ARID1A: variants seen among roughly 807,000 people sequenced by gnomAD.
ARID1A encodes the protein AT-rich interaction domain 1A.
In ARID1A, 20 loss-of-function variants were observed where a neutral mutation model predicts 212.6. The observed-to-expected ratio is 0.09, with a 90% CI of 0.07 to 0.14. The LOEUF is 0.14. Among genes scored for constraint, ARID1A ranks in the 10% least tolerant of loss-of-function variants. ARID1A has a pLI of 1.00. For synonymous variants in ARID1A, 1,376 were observed against 1,222.1 expected (o/e 1.13, Z -2.63); for missense variants, 2,587 against 3,059.0 (o/e 0.85, Z 3.64).
chr1:26,728,649 A>C lies in ARID1A; in HGVS notation c.1138-1002A>C, dbSNP rs538143123. On this transcript the variant is annotated intron_variant, in intron 1 of 19. Transcript: ENST00000324856. ...TGATAGGCCTAGAGTATCAGTATCT[A>C]TTTCACCCCCAATGTAAGAGCTAGT... Among the ~76,000 whole-genome samples, 6 of 152,196 alleles carry C rather than the reference A, an allele frequency of 3.9e-5. No homozygotes were observed. In the South Asian group the frequency reaches 1.2e-3, roughly 32 times the overall value.
At chr1:26,729,993 T>A in intron 2 of ARID1A, 130 bp downstream of exon 2, 1 of 1,130,042 alleles carries the variant, frequency 8.8e-7, no homozygotes, top group Non-Finnish European at 1.3e-6. Context: ...CTCAGTTAAT[T>A]ACAGAGTGCT....
At chr1:26,738,015 T>G (rs1303530706) in intron 4 of ARID1A, among the ~76,000 whole-genome samples, 1 of 151,966 alleles carries the variant, frequency 6.6e-6, no homozygotes, top group East Asian at 1.9e-4. Flanking sequence ...GAGGTTCCTT[T>G]GCTATAGTAA....
At chr1:26,716,262 G>C (rs1036294669) in intron 1 of ARID1A, among the ~76,000 whole-genome samples, 3 of 151,520 alleles carry the variant, frequency 2.0e-5, no homozygotes, top group African/African-American at 7.3e-5. Flanking sequence ...CATGCTAGTT[G>C]CTTACATTAA....
chr1:26,767,748 G>C (rs2124085513), intron 10 of ARID1A, 42 bp from the exon 11 acceptor site: 2 of 1,542,384 alleles, frequency 1.3e-6, no homozygotes, highest in South Asian at 2.4e-5. Flanking sequence ...CACAGGCTTT[G>C]AATCTGACCC....
Position 26,779,205 on chromosome 1 carries a change from A to C in ARID1A, c.5307A>C (p.Leu1769=), listed in dbSNP as rs754965271. ...GTGGGGAAGAAGAAGAAGAACTTCT[A>C]GGTCCTAAACTAGAAGAGGAAGAAG... The part of the protein sequence containing the change: ...MEGGEEEEEL[L]GPKLEEEEEE... Residue 1769 remains leucine (L), a synonymous_variant, in exon 20 of 20, where the codon CTA becomes CTC. Transcript: ENST00000324856. 2 of 1,612,438 alleles carry C rather than the reference A, an allele frequency of 1.2e-6. No individual in the cohort carries two copies. The highest frequency in any genetic ancestry group is 1.7e-6 in the Non-Finnish European group (2 of 1,178,922).
At chr1:26,739,395 G>T (rs937723253) in intron 4 of ARID1A, among the ~76,000 whole-genome samples, 4 of 152,154 alleles carry the variant, frequency 2.6e-5, no homozygotes, top group African/African-American at 7.2e-5. Flanking sequence ...GTAGGTGTGG[G>T]CTGGGACCTA....
chr1:26,749,422 C>T (rs2080865901), intron 4 of ARID1A, among the ~76,000 whole-genome samples: 1 of 152,096 alleles, frequency 6.6e-6, no homozygotes, highest in Non-Finnish European at 1.5e-5. Context: ...TGAGCAGAAG[C>T]ACTCGATGTG....
chr1:26,732,283 G>T (rs990926804), intron 3 of ARID1A, among the ~76,000 whole-genome samples: 14 of 152,170 alleles, frequency 9.2e-5, no homozygotes, highest in African/African-American at 3.4e-4. Flanking sequence ...TGTATTGGTG[G>T]CACTGTTGGA....
chr1:26,707,200 ATTT>A (rs751639614), intron 1 of ARID1A, among the ~76,000 whole-genome samples: 1 of 102,612 alleles, frequency 9.7e-6, no homozygotes. Flanking sequence ...CGGCTGGCTA[ATTT>A]TTTTTTTTTT....
chr1:26,752,654 C>T (rs769936813), intron 4 of ARID1A, among the ~76,000 whole-genome samples: 9 of 152,198 alleles, frequency 5.9e-5, no homozygotes, highest in Non-Finnish European at 1.2e-4. Context: ...TTATGTTTCC[C>T]AGTCTCTTCT....
rs1283627889 is a variant in ARID1A at position 26,775,133 on chromosome 1, C to T, written c.4906C>T (p.Arg1636Trp). The change falls in exon 18 of 20, where the codon CGG (arginine) becomes TGG (tryptophan). Residue 1636 changes from arginine (R) to tryptophan (W), a missense_variant. This residue lies in a region of ARID1A where 890 missense variants were observed against 1,098.2 expected (regional missense o/e 0.81). Coordinates refer to ENST00000324856, the MANE Select transcript of ARID1A (RefSeq NM_006015.6). Reference protein sequence around the residue: ...APAPVQPPMIRRDITFPPGSV... With the variant: ...APAPVQPPMIWRDITFPPGSV... ...TGCCCCTGTGCAGCCCCCCATGATT[C>T]GGCGGGATATCACCTTCCCACCTGG... is the stretch of plus-strand genomic sequence containing the variant. 6.2e-6 allele frequency: 10 copies of T among 1,613,850 alleles called. No homozygotes were observed. The highest frequency in any genetic ancestry group is 8.5e-6 in the Non-Finnish European group (10 of 1,180,002).
At position 26,696,311 on chromosome 1, in the gene ARID1A, G is replaced by A. The variant is rs2124739242; in HGVS notation, c.-93G>A. On this transcript the variant is annotated 5_prime_UTR_variant, in exon 1 of 20. Transcript: ENST00000324856. ...AGGCCCGCCCGGGCGGGTGGGGAGG[G>A]CAGCCCGGGGGACTGGGCCCCGGGG... 1 of 1,159,454 alleles carries A rather than the reference G, an allele frequency of 8.6e-7. No homozygotes were observed. Among genetic ancestry groups the A allele is most frequent in the Non-Finnish European group, 1.1e-6 (1 of 941,964 alleles). 71.8% of individuals were successfully genotyped at this position (1,159,454 alleles called of 1,614,324 possible).
At chr1:26,749,460 A>T (rs1312267049) in intron 4 of ARID1A, among the ~76,000 whole-genome samples, 3 of 152,136 alleles carry the variant, frequency 2.0e-5, no homozygotes, top group Non-Finnish European at 4.4e-5. Context: ...GCAGATCTGT[A>T]GGAGTAGAAT....
chr1:26,711,650 C>G (rs1400303094), intron 1 of ARID1A, among the ~76,000 whole-genome samples: 2 of 152,200 alleles, frequency 1.3e-5, no homozygotes, highest in Non-Finnish European at 2.9e-5. Context: ...GTTCTAGTCA[C>G]AAAACACGTC....
chr1:26,728,620 T>C (rs1017983436), intron 1 of ARID1A, among the ~76,000 whole-genome samples: 1 of 152,150 alleles, frequency 6.6e-6, no homozygotes, highest in Non-Finnish European at 1.5e-5. Context: ...CATGTGACGG[T>C]TAATGATAGG....
chr1:26,704,876 T>A (rs530437694), intron 1 of ARID1A, among the ~76,000 whole-genome samples: 35 of 150,424 alleles, frequency 2.3e-4, no homozygotes, highest in African/African-American at 4.9e-4. Flanking sequence ...AAAAAAAAAA[T>A]TTGTTTTTTA....
At chr1:26,730,891 T>C (rs2080669447) in intron 2 of ARID1A, among the ~76,000 whole-genome samples, 1 of 152,296 alleles carries the variant, frequency 6.6e-6, no homozygotes, top group South Asian at 2.1e-4. Flanking sequence ...CTCTCAAACT[T>C]ATGTTGCCCA....
Position 26,762,300 on chromosome 1 carries a change from G to T in ARID1A, c.2400G>T (p.Gly800=), listed in dbSNP as rs760812481. The T allele has an allele frequency of 5.0e-6, 8 of 1,614,080 alleles. No individual in the cohort carries two copies. In the East Asian group the frequency reaches 1.8e-4, roughly 36 times the overall value. ...CCATGGGGAGCTATGGTCCCCAGGG[G>T]GGTCAGTATGGCCCACAAGGTCAGT... ...QNSMGSYGPQ[G]GQYGPQGGYP... is the part of the protein sequence containing the mutation. Residue 800 remains glycine, a synonymous_variant, in exon 7 of 20, where the codon GGG becomes GGT. Transcript: ENST00000324856.
intron 1 of ARID1A, among the ~76,000 whole-genome samples, chr1:26,715,627 T>C (rs2080495622): frequency 6.6e-6 from 1 of 152,216 alleles, no homozygotes; most frequent in South Asian, 2.1e-4. Context: ...TTGATGATAT[T>C]TTCCATTTCT....
Sources: allele counts gnomAD v4.1 joint callset (sites outside exome capture counted in the v4.1 genomes callset), GRCh38; gene constraint gnomAD v4.1.1; regional missense constraint gnomAD v4.1.1; transcripts MANE v1.5; gene names NCBI Gene and HGNC (gene_info 2026-07-23, HGNC 2026-07-21).